Variants in EYS observed in about 807,000 individuals in gnomAD.
EYS encodes EGF-like photoreceptor maintenance factor.
EYS carries 250 observed loss-of-function variants against 282.1 expected under a neutral mutation model. The observed-to-expected ratio is 0.89, with a 90% CI of 0.80 to 0.98. The LOEUF (loss-of-function observed/expected upper bound fraction) is 0.98, where lower values mean the gene tolerates loss of function less well. Ranked by LOEUF, EYS falls within the 50% of genes least tolerant of loss-of-function variation. The pLI is 0.00. For missense variants in EYS, 4,016 were observed against 3,709.0 expected (o/e 1.08, Z -2.15); for synonymous variants, 1,355 against 1,282.9 (o/e 1.06, Z -1.20).
chr6:65,095,859 C>T (rs960877634), intron 12 of EYS, among the ~76,000 whole-genome samples: 3 of 150,502 alleles, frequency 2.0e-5, no homozygotes, highest in African/African-American at 4.9e-5. Context: ...GGGCAAAAAA[C>T]GGAAAACTTT....
At chr6:64,133,902 G>A (rs1774074530) in intron 31 of EYS, among the ~76,000 whole-genome samples, 1 of 151,842 alleles carries the variant, frequency 6.6e-6, no homozygotes, top group African/African-American at 2.4e-5. Flanking sequence ...AAGGATGACT[G>A]GGGTGAGAGA....
chr6:64,547,322 C>A (rs1353630408), intron 26 of EYS, among the ~76,000 whole-genome samples: 1 of 151,978 alleles, frequency 6.6e-6, no homozygotes, highest in Non-Finnish European at 1.5e-5. Context: ...TACAGAGAGC[C>A]GACTGCTCCA....
intron 11 of EYS, among the ~76,000 whole-genome samples, chr6:65,298,508 G>A (rs1768726638): frequency 6.6e-6 from 1 of 151,706 alleles, no homozygotes; most frequent in African/African-American, 2.4e-5. Flanking sequence ...CTTGATGTTT[G>A]TTTTATTGAG....
At chr6:64,323,236 TAC>T (rs10598974) in intron 29 of EYS, among the ~76,000 whole-genome samples, 104,035 of 151,748 alleles carry the variant, frequency 0.69, 35,693 homozygotes, top group South Asian at 0.71. Flanking sequence ...TTACTAATAT[TAC>T]ATTCTATCCT....
Position 65,216,855 on chromosome 6 carries a change from A to G in EYS, c.2023+79008T>C, listed in dbSNP as rs1363772310. Among the ~76,000 whole-genome samples, 4 of 152,110 alleles carry G rather than the reference A, an allele frequency of 2.6e-5. No individual in the cohort carries two copies. The East Asian group carries it at 7.7e-4, about 29-fold the overall frequency. ...GATATGCTTTTAGTAACTTATTCCTATGACAAATTTGGCAAGTAAAAATCA... is the reference window on the plus strand; with the variant it reads ...GATATGCTTTTAGTAACTTATTCCTGTGACAAATTTGGCAAGTAAAAATCA... On this transcript the variant is annotated intron_variant, in intron 12 of 42. Transcript: ENST00000503581.
chr6:65,598,961 GTATATATCTATATCTATATT>G (rs1765515021), intron 2 of EYS, among the ~76,000 whole-genome samples: 1 of 152,002 alleles, frequency 6.6e-6, no homozygotes, highest in African/African-American at 2.4e-5. Context: ...GGTGTGTGGT[GTATATATCTATATCTATATT>G]TATATATCTA....
chr6:64,571,131 CA>C (rs1454596041), intron 26 of EYS, among the ~76,000 whole-genome samples: 1 of 152,170 alleles, frequency 6.6e-6, no homozygotes, highest in African/African-American at 2.4e-5. Flanking sequence ...GAAACTCACT[CA>C]AAACCACACA....
At chr6:63,725,322 CACAA>C (rs887087011) in intron 42 of EYS, among the ~76,000 whole-genome samples, 5 of 151,648 alleles carry the variant, frequency 3.3e-5, no homozygotes, top group African/African-American at 9.7e-5. Context: ...ATTTCATATA[CACAA>C]ACAAATATGT....
chr6:65,586,628 A>G (rs1279392132), intron 2 of EYS, among the ~76,000 whole-genome samples: 1 of 152,152 alleles, frequency 6.6e-6, no homozygotes, highest in Non-Finnish European at 1.5e-5. Context: ...CGCATAAAGA[A>G]GTGTGTTCAT....
chr6:64,443,949 A>T (rs116080511), intron 26 of EYS, among the ~76,000 whole-genome samples: 4,716 of 152,178 alleles, frequency 0.031, 233 homozygotes, highest in African/African-American at 0.11. Context: ...TTTCTTTTTG[A>T]CTTTCTGGAG....
At chr6:65,553,876 A>T (rs983814943) in intron 2 of EYS, among the ~76,000 whole-genome samples, 15 of 152,106 alleles carry the variant, frequency 9.9e-5, no homozygotes, top group Admixed American at 1.3e-4. Context: ...AAATATATAA[A>T]ATATTTAAAA....
chr6:63,867,525 T>C (rs747951139), intron 35 of EYS, among the ~76,000 whole-genome samples: 22 of 152,162 alleles, frequency 1.4e-4, no homozygotes, highest in Non-Finnish European at 3.1e-4. Context: ...AAGTTTGTTG[T>C]GCACCTACAT....
rs544050065 is a variant in EYS, at chr6:63,914,582, C to A, written c.7056-50224G>T. Among the ~76,000 whole-genome samples the A allele has an allele frequency of 3.9e-4, 60 of 152,124 alleles. 1 individual carries two copies. The East Asian group carries it at 0.01, about 27-fold the overall frequency. On this transcript the variant is annotated intron_variant, in intron 35 of 42. Coordinates refer to ENST00000503581, the MANE Select transcript of EYS (RefSeq NM_001142800.2). The stretch of plus-strand genomic sequence containing the variant: ...AATTAGTTGGGCATGGTTACAGGAG[C>A]CTGTAATCCCAGCTACTCAGGAGGC...
chr6:65,620,132 C>G (rs1766414061), intron 2 of EYS, among the ~76,000 whole-genome samples: 1 of 152,250 alleles, frequency 6.6e-6, no homozygotes, highest in African/African-American at 2.4e-5. Context: ...AGGAATGGTA[C>G]CAGCTCCTCC....
Position 63,875,197 on chromosome 6 carries a change from G to T in EYS, c.7056-10839C>A, listed in dbSNP as rs574017601. Among the ~76,000 whole-genome samples the T allele has an allele frequency of 2.0e-5, 3 of 152,244 alleles. No homozygotes were observed. The South Asian group carries it at 6.2e-4, about 32-fold the overall frequency. On this transcript the variant is annotated intron_variant, in intron 35 of 42. Transcript: ENST00000503581. ...TTAGCATGAAGACCTGCTGAATTTTGTCAAAGCCCTTTTCTGCATCTATTG... is the reference window on the plus strand; with the variant it reads ...TTAGCATGAAGACCTGCTGAATTTTTTCAAAGCCCTTTTCTGCATCTATTG...
At chr6:64,180,855 A>G (rs559574740) in intron 31 of EYS, among the ~76,000 whole-genome samples, 11 of 152,252 alleles carry the variant, frequency 7.2e-5, no homozygotes, top group African/African-American at 1.9e-4. Flanking sequence ...GGTTTGTCAC[A>G]TTGGCATATT....
At chr6:65,494,444 A>AT (rs375015756) in intron 4 of EYS, among the ~76,000 whole-genome samples, 7,146 of 147,550 alleles carry the variant, frequency 0.048, 464 homozygotes, top group African/African-American at 0.15. Context: ...TGCTCGGCTA[A>AT]TTTTTTTTTT....
rs577637715 is a variant in EYS at position 63,738,877 on chromosome 6, C to T, written c.8072-12197G>A. On this transcript the variant is annotated intron_variant, in intron 41 of 42. Coordinates refer to ENST00000503581, the MANE Select transcript of EYS (RefSeq NM_001142800.2). ...TCCTCAACTAATCTCCACCCACTAG[C>T]AGCATTAACTTTCATCGATGACTCC... Among the ~76,000 whole-genome samples, 3 of 152,300 alleles carry T rather than the reference C, an allele frequency of 2.0e-5. No individual in the cohort carries two copies. In the South Asian group the frequency reaches 6.2e-4, roughly 32 times the overall value.
chr6:65,217,871 TATCTGATTTAAATATACACTAAA>T, intron 12 of EYS, among the ~76,000 whole-genome samples: 1 of 152,086 alleles, frequency 6.6e-6, no homozygotes, highest in Admixed American at 6.6e-5. Flanking sequence ...TTAAAAATAT[TATCTGATTTAAATATACACTAAA>T]AATATTCTGA....
Sources: gnomAD v4.1 joint callset for allele counts (sites outside exome capture counted in the v4.1 genomes callset) on GRCh38, gnomAD v4.1.1 for gene constraint, MANE v1.5 for transcripts, NCBI Gene and HGNC (gene_info 2026-07-23, HGNC 2026-07-21) for gene names.